The following CNR2 variants were observed in gnomAD, a reference collection of about 807,000 sequenced individuals.
The protein encoded by CNR2 is cannabinoid receptor 2, also known as cannabinoid receptor 2 (macrophage).
For synonymous variants in CNR2, 172 were observed against 182.2 expected, an observed-to-expected ratio of 0.94 and a Z score of 0.45; for missense variants, 379 against 439.9, an observed-to-expected ratio of 0.86 and a Z score of 1.24.
chr1:23,882,751 C>CGG (rs1640015377), intron 1 of CNR2, among the ~76,000 whole-genome samples: 3 of 151,584 alleles, frequency 2.0e-5, no homozygotes, highest in Non-Finnish European at 4.4e-5. Flanking sequence ...ACCTGGGAGG[C>CGG]GGAGGTTTCA....
chr1:23,875,580 G>C lies in CNR2; in HGVS notation c.38C>G (p.Ser13Cys), dbSNP rs201016971. Residue 13 changes from serine (S) to cysteine (C), a missense_variant, in exon 2 of 2, where the codon TCC becomes TGC. Coordinates refer to ENST00000374472, the MANE Select transcript of CNR2 (RefSeq NM_001841.3). ...AGGGTTGGAATCCAAGCCATCCTTG[G>C]AGCCATTGGCTATCTCTGTCACCCA... is the stretch of plus-strand genomic sequence containing the variant. ...ECWVTEIANG[S>C]KDGLDSNPMK... 33 of 1,611,502 alleles carry C rather than the reference G, an allele frequency of 2.0e-5. No homozygotes were observed. Among genetic ancestry groups the C allele is most frequent in the Non-Finnish European group, 2.8e-5 (33 of 1,178,254 alleles).
At chr1:23,901,924 C>T (rs948574933) in intron 1 of CNR2, 23 of 1,602,694 alleles carry the variant, frequency 1.4e-5, no homozygotes, top group East Asian at 2.2e-5. Flanking sequence ...GGCACCTCTG[C>T]GGGGTGAGGC....
chr1:23,881,642 C>A (rs1412974717), intron 1 of CNR2, among the ~76,000 whole-genome samples: 1 of 147,270 alleles, frequency 6.8e-6, no homozygotes, highest in African/African-American at 2.5e-5. Flanking sequence ...GTAATCCCAG[C>A]CCTTTGGAGG....
Position 23,873,895 on chromosome 1 carries a change from G to A in CNR2, c.*640C>T, listed in dbSNP as rs1367564820. 6.6e-6 allele frequency: 1 copy of A among 152,286 alleles called. No homozygotes were observed. Among genetic ancestry groups the A allele is most frequent in the East Asian group, 1.9e-4 (1 of 5,266 alleles). The allele number at this position is 152,286 out of a possible 1,614,324, so 9.4% of individuals were successfully genotyped here. The stretch of plus-strand genomic sequence containing the variant: ...GATCCCAGCCTCCTCTGTATTTCCA[G>A]GGACCTGAGGTTACAGGTGGGGATT... On this transcript the variant is annotated 3_prime_UTR_variant, in exon 2 of 2. Coordinates refer to ENST00000374472, the MANE Select transcript of CNR2 (RefSeq NM_001841.3).
intron 1 of CNR2, among the ~76,000 whole-genome samples, chr1:23,911,570 A>T (rs1640585004): frequency 6.6e-6 from 1 of 152,128 alleles, no homozygotes; most frequent in South Asian, 2.1e-4. Flanking sequence ...GCCCAGTAGG[A>T]TGAGGCTCAG....
At position 23,874,980 on chromosome 1, in the gene CNR2, A is replaced by G; in HGVS notation, c.638T>C (p.Leu213Pro). ...SGIIYTYGHV[L>P]WKAHQHVASL... is the part of the protein sequence containing the mutation. The stretch of plus-strand genomic sequence containing the variant: ...GGCCACATGCTGATGGGCCTTCCAG[A>G]GAACATGCCCATAGGTGTAGATGAT... The change falls in exon 2 of 2, where the codon CTC becomes CCC. Residue 213 changes from leucine (L) to proline (P), a missense_variant. Transcript: ENST00000374472. 6.2e-7 allele frequency: 1 copy of G among 1,609,852 alleles called. No individual in the cohort carries two copies. Among genetic ancestry groups the G allele is most frequent in the Non-Finnish European group, 8.5e-7 (1 of 1,177,644 alleles).
intron 1 of CNR2, among the ~76,000 whole-genome samples, chr1:23,908,460 G>GA (rs972301399): frequency 1.6e-4 from 25 of 152,136 alleles, no homozygotes; most frequent in African/African-American, 4.3e-4. Flanking sequence ...CTCACATTGA[G>GA]AAAAAATCTT....
At chr1:23,885,095 C>A (rs964788522) in intron 1 of CNR2, among the ~76,000 whole-genome samples, 1 of 152,030 alleles carries the variant, frequency 6.6e-6, no homozygotes, top group African/African-American at 2.4e-5. Context: ...CCACCATGCC[C>A]GGCCTCAAAA....
intron 1 of CNR2, among the ~76,000 whole-genome samples, chr1:23,876,404 A>T (rs1016214462): frequency 6.6e-6 from 1 of 151,574 alleles, no homozygotes; most frequent in Non-Finnish European, 1.5e-5. Context: ...GGGTTTCACC[A>T]TGTTGGCCAG....
chr1:23,904,642 A>G (rs933970495), intron 1 of CNR2, among the ~76,000 whole-genome samples: 1 of 152,166 alleles, frequency 6.6e-6, no homozygotes, highest in African/African-American at 2.4e-5. Context: ...TCTGTCAGCC[A>G]TCGGGAAGTA....
chr1:23,905,487 C>T (rs1301738750), intron 1 of CNR2, among the ~76,000 whole-genome samples: 1 of 150,186 alleles, frequency 6.7e-6, no homozygotes, highest in African/African-American at 2.4e-5. Context: ...GCCATCTTTG[C>T]ACTTTATATA....
chr1:23,874,538 G>A lies in CNR2; in HGVS notation c.1080C>T (p.Cys360=), dbSNP rs1426752059. The change falls in exon 2 of 2, where the codon TGC becomes TGT. Residue 360 remains cysteine (C), a synonymous_variant. Transcript: ENST00000374472. ...TTTAAATTGGGAAGAGGCCTCATCA[G>A]CAATCAGAGAGGTCTAGATCTCTGG... ...PDSRDLDLSD[C] is the part of the protein sequence containing the mutation. 2 of 1,609,698 alleles carry A rather than the reference G, an allele frequency of 1.2e-6. No individual in the cohort carries two copies. Among genetic ancestry groups the A allele is most frequent in the African/African-American group, 1.3e-5 (1 of 74,664 alleles).
At chr1:23,910,409 G>A (rs1399467376) in intron 1 of CNR2, among the ~76,000 whole-genome samples, 2 of 151,100 alleles carry the variant, frequency 1.3e-5, no homozygotes, top group East Asian at 1.9e-4. Flanking sequence ...ATCAATCTTC[G>A]CTTAAGAAAA....
chr1:23,875,832 A>G (rs1271218036), intron 1 of CNR2, among the ~76,000 whole-genome samples, 170 bp from the exon 2 acceptor site: 1 of 152,082 alleles, frequency 6.6e-6, no homozygotes, highest in Non-Finnish European at 1.5e-5. Context: ...CCAAGCAGGA[A>G]GCCAGATCTG....
chr1:23,885,709 C>A (rs1243336472), intron 1 of CNR2, among the ~76,000 whole-genome samples: 2 of 151,624 alleles, frequency 1.3e-5, no homozygotes, highest in African/African-American at 4.9e-5. Context: ...GAAACACTGT[C>A]TCTACTAAAA....
intron 1 of CNR2, chr1:23,907,023 A>C (rs901470984): frequency 6.6e-6 from 1 of 151,882 alleles, no homozygotes; most frequent in South Asian, 2.1e-4. Flanking sequence ...CTTCTTACCA[A>C]CCTTTGAAAT....
intron 1 of CNR2, among the ~76,000 whole-genome samples, chr1:23,883,317 C>T (rs1213219166): frequency 1.3e-5 from 2 of 152,150 alleles, no homozygotes; most frequent in African/African-American, 2.4e-5. Flanking sequence ...GTGAAGTTGA[C>T]GATACATCAA....
At chr1:23,910,678 A>AG (rs1640568938) in intron 1 of CNR2, among the ~76,000 whole-genome samples, 1 of 147,450 alleles carries the variant, frequency 6.8e-6, no homozygotes, top group Non-Finnish European at 1.5e-5. Flanking sequence ...AAAAAAAAAA[A>AG]AGAAAGAAAA....
At chr1:23,878,270 G>A (rs1415866726) in intron 1 of CNR2, among the ~76,000 whole-genome samples, 1 of 151,892 alleles carries the variant, frequency 6.6e-6, no homozygotes, top group Admixed American at 6.6e-5. Context: ...AGGCTGAGGT[G>A]GGAGGATCAC....
Sources: gnomAD v4.1 joint callset for allele counts (sites outside exome capture counted in the v4.1 genomes callset) on GRCh38, gnomAD v4.1.1 for gene constraint, MANE v1.5 for transcripts, NCBI Gene and HGNC (gene_info 2026-07-23, HGNC 2026-07-21) for gene names.